The following ADAMTS7 variants were observed in gnomAD, a reference collection of about 807,000 sequenced individuals.
ADAMTS7 encodes A disintegrin and metalloproteinase with thrombospondin motifs 7.
A neutral mutation model predicts 172.6 loss-of-function variants in ADAMTS7; 89 were observed. The observed-to-expected ratio is 0.52, with a 90% CI of 0.43 to 0.61. The LOEUF (loss-of-function observed/expected upper bound fraction) is 0.61, where lower values mean the gene tolerates loss of function less well. ADAMTS7 is among the 20% of genes least tolerant of loss of function. The pLI, the probability that ADAMTS7 is intolerant of heterozygous loss-of-function variation, is 0.00. For synonymous variants in ADAMTS7, 885 were observed against 978.4 expected, an observed-to-expected ratio of 0.90 and a Z score of 1.78; for missense variants, 1,973 against 2,355.6, an observed-to-expected ratio of 0.84 and a Z score of 3.36.
chr15:78,781,908 C>T (rs77728878), intron 8 of ADAMTS7, among the ~76,000 whole-genome samples: 94 of 152,216 alleles, frequency 6.2e-4, no homozygotes, highest in Middle Eastern at 6.8e-3. Flanking sequence ...AAGCACTGCA[C>T]GCGTTTTCTC....
rs192051085 is a variant in ADAMTS7 at position 78,784,219 on chromosome 15, G to T, written c.1322+4012C>A. 3.1e-3 allele frequency among the ~76,000 whole-genome samples: 469 copies of T among 152,026 alleles called. 2 individuals are homozygous for T. The highest frequency in any genetic ancestry group is 0.011 in the African/African-American group (458 of 41,460). ...GAAAAAATTAAAAATTAAAAAATTA[G>T]CTGGGTGTGGTGGCACACACTTGTT... is the stretch of plus-strand genomic sequence containing the variant. On this transcript the variant is annotated intron_variant, in intron 8 of 23. Coordinates refer to ENST00000388820, the MANE Select transcript of ADAMTS7 (RefSeq NM_014272.5).
chr15:78,777,844 C>A (rs2055373741), intron 8 of ADAMTS7, among the ~76,000 whole-genome samples: 2 of 152,236 alleles, frequency 1.3e-5, no homozygotes, highest in South Asian at 4.1e-4. Context: ...GGCCTCCGCA[C>A]ACGCTGCCAG....
Position 78,766,013 on chromosome 15 carries a change from G to A in ADAMTS7, c.3898C>T (p.Leu1300=), listed in dbSNP as rs200067773. ...ASLLPPPIAP[L]PEMKVRDSSL... ...CTGTCCCTGACCTTCATCTCTGGCAGAGGGGCTATGGGAGGAGGAAGGAGA... is the reference window on the plus strand; with the variant it reads ...CTGTCCCTGACCTTCATCTCTGGCAAAGGGGCTATGGGAGGAGGAAGGAGA... Residue 1300 remains leucine, a synonymous_variant, in exon 19 of 24, where the codon CTG becomes TTG. Transcript: ENST00000388820. 13 of 1,599,850 alleles carry A rather than the reference G, an allele frequency of 8.1e-6. No homozygotes were observed. The East Asian group carries it at 1.8e-4, about 22-fold the overall frequency.
At chr15:78,811,008 C>T in intron 1 of ADAMTS7, 113 bp downstream of exon 1, 1 of 1,125,720 alleles carries the variant, frequency 8.9e-7, no homozygotes, top group East Asian at 3.3e-5. Flanking sequence ...CGACCAACTC[C>T]AGGCACAGCG....
At position 78,800,370 on chromosome 15, in the gene ADAMTS7, A is replaced by C. The variant is rs1414592013; in HGVS notation, c.278T>G (p.Phe93Cys). 6.2e-7 allele frequency: 1 copy of C among 1,607,334 alleles called. No individual in the cohort carries two copies. The highest frequency in any genetic ancestry group is 1.8e-4 in the Middle Eastern group (1 of 5,418). Residue 93 changes from phenylalanine (F) to cysteine (C), a missense_variant, in exon 2 of 24, where the codon TTC (phenylalanine) becomes TGC (cysteine). Physicochemically the swap from Phe to Cys is radical, Grantham distance 205. Coordinates refer to ENST00000388820, the MANE Select transcript of ADAMTS7 (RefSeq NM_014272.5). ...ELQYRGRELRFNLTANQHLLA... is the reference protein window; with the variant it reads ...ELQYRGRELRCNLTANQHLLA... ...CAGGTGCTGATTGGCGGTCAGGTTGAAGCGCAGCTCGCGCCCGCGGTATTG... is the reference window on the plus strand; with the variant it reads ...CAGGTGCTGATTGGCGGTCAGGTTGCAGCGCAGCTCGCGCCCGCGGTATTG...
At chr15:78,778,428 G>C (rs1336658631) in intron 8 of ADAMTS7, among the ~76,000 whole-genome samples, 1 of 152,248 alleles carries the variant, frequency 6.6e-6, no homozygotes, top group South Asian at 2.1e-4. Context: ...CCAGTGACCA[G>C]CCTGCTGCCC....
At chr15:78,789,590 T>C in intron 7 of ADAMTS7, 99 bp downstream of exon 7, 11 of 1,484,848 alleles carry the variant, frequency 7.4e-6, no homozygotes, top group Non-Finnish European at 1.0e-5. Flanking sequence ...GAGCTTCCTT[T>C]CCCCTGGACT....
rs1435480597 is a variant in ADAMTS7, at chr15:78,769,719, CCT to C, written c.2518+1441_2518+1442del. Reference sequence around the variant, plus strand: ...GACTTCCTGCCTGAGACAAAGAACCCCTGTCTGTTCCAGCCACCACAGGGCAC... The same window carrying C: ...GACTTCCTGCCTGAGACAAAGAACCCGTCTGTTCCAGCCACCACAGGGCAC... On this transcript the variant is annotated intron_variant, in intron 16 of 23. Coordinates refer to ENST00000388820, the MANE Select transcript of ADAMTS7 (RefSeq NM_014272.5). Among the ~76,000 whole-genome samples the C allele has an allele frequency of 2.6e-5, 4 of 152,364 alleles. No homozygotes were observed. The East Asian group carries it at 5.8e-4, about 22-fold the overall frequency.
rs1344294302 is a variant in ADAMTS7 at position 78,764,078 on chromosome 15, C to A, written c.4441G>T (p.Gly1481Cys). 1 of 1,528,288 alleles carries A rather than the reference C, an allele frequency of 6.5e-7. No individual in the cohort carries two copies. Among genetic ancestry groups the A allele is most frequent in the Non-Finnish European group, 8.8e-7 (1 of 1,134,446 alleles). The allele number at this position is 1,528,288 out of a possible 1,614,324, so 94.7% of individuals were successfully genotyped here. A position where few individuals can be genotyped will look rare whatever the true frequency, so the allele number is the denominator to read the frequency against. The change falls in exon 21 of 24, where the codon GGT (glycine) becomes TGT (cysteine). Residue 1481 changes from glycine to cysteine, a missense_variant. Coordinates refer to ENST00000388820, the MANE Select transcript of ADAMTS7 (RefSeq NM_014272.5). ...WSKCSRSCGG[G>C]SSVRDVQCVD... ...CACTGCACGTCCCGCACTGAGGAAC[C>A]TCCGCCGCAGCTGCGGGAGCACTGG...
In ADAMTS7 at chr15:78,764,635, C is replaced by T. The variant is rs772921044; in HGVS notation, c.4339G>A (p.Ala1447Thr). The T allele has an allele frequency of 4.1e-5, 64 of 1,560,184 alleles. No individual in the cohort carries two copies. In the East Asian group the frequency reaches 9.3e-4, roughly 23 times the overall value. The change falls in exon 20 of 24, where the codon GCC (alanine) becomes ACC (threonine). Residue 1447 changes from alanine to threonine, a missense_variant. By Grantham distance (58) the Ala-to-Thr change is moderately conservative. Transcript: ENST00000388820. ...GCAGGCTGGGGCCGGCCAGCGGGGG[C>T]GCAGTCCTCATCCCGGCCGGAGCTA... Reference protein sequence around the residue: ...RCSSGRDEDCAPAGRPQPARR... With the variant: ...RCSSGRDEDCTPAGRPQPARR...
chr15:78,798,050 G>T lies in ADAMTS7; in HGVS notation c.520C>A (p.Arg174=). ...ACATGGGGCTGGGCGTGGCCAGGCC[G>T]GGCCGGGGCACTGTCCAGGGGCTCA... is the stretch of plus-strand genomic sequence containing the variant. ...FIEPLDSAPA[R]PGHAQPHVVY... Residue 174 remains arginine, a synonymous_variant, in exon 3 of 24, where the codon CGG becomes AGG. Coordinates refer to ENST00000388820, the MANE Select transcript of ADAMTS7 (RefSeq NM_014272.5). The T allele has an allele frequency of 6.4e-7, 1 of 1,570,248 alleles. No homozygotes were observed. Among genetic ancestry groups the T allele is most frequent in the South Asian group, 1.2e-5 (1 of 84,578 alleles).
chr15:78,789,965 G>A (rs2055556971), intron 6 of ADAMTS7, 127 bp from the exon 7 acceptor site: 16 of 1,349,044 alleles, frequency 1.2e-5, no homozygotes, highest in Non-Finnish European at 1.4e-5. Flanking sequence ...ACCGTTCTGT[G>A]ACATGAGGCC....
chr15:78,791,375 C>A, intron 4 of ADAMTS7, 152 bp from the exon 5 acceptor site: 1 of 621,270 alleles, frequency 1.6e-6, no homozygotes, highest in Non-Finnish European at 2.8e-6. Flanking sequence ...GCACAGTGGA[C>A]AGGCGATGCA....
In ADAMTS7 at chr15:78,766,942, G is replaced by A. The variant is rs1440456801; in HGVS notation, c.2969C>T (p.Ser990Phe). The change falls in exon 19 of 24, where the codon TCT becomes TTT. Residue 990 changes from serine (S) to phenylalanine (F), a missense_variant. Ser to Phe is a radical substitution (Grantham distance 155, BLOSUM62 -2). Coordinates refer to ENST00000388820, the MANE Select transcript of ADAMTS7 (RefSeq NM_014272.5). ...AQQPASEVTC[S>F]LPLCRWPLGT... ...CAGGGGCCACCGACAGAGTGGCAGA[G>A]AGCAGGTGACTTCGCTGGCTGGCTG... is the stretch of plus-strand genomic sequence containing the variant. 7 of 1,610,782 alleles carry A rather than the reference G, an allele frequency of 4.3e-6. No homozygotes were observed. The highest frequency in any genetic ancestry group is 5.9e-6 in the Non-Finnish European group (7 of 1,179,572).
chr15:78,784,872 A>T (rs2055480181), intron 8 of ADAMTS7, among the ~76,000 whole-genome samples: 1 of 152,050 alleles, frequency 6.6e-6, no homozygotes, highest in Non-Finnish European at 1.5e-5. Flanking sequence ...ATCAGATGTG[A>T]GGGAAGGATA....
At chr15:78,793,227 T>A (rs2055603965) in intron 4 of ADAMTS7, among the ~76,000 whole-genome samples, 1 of 152,208 alleles carries the variant, frequency 6.6e-6, no homozygotes, top group Admixed American at 6.5e-5. Flanking sequence ...CAGGTTTCGC[T>A]GCTTCAAAGC....
chr15:78,764,416 A>C, intron 20 of ADAMTS7, 139 bp downstream of exon 20: 1 of 1,201,574 alleles, frequency 8.3e-7, no homozygotes, highest in South Asian at 1.6e-5. Context: ...CAAGAGATTC[A>C]GAATCCGGTG....
At chr15:78,794,901 G>A (rs1025276261) in intron 4 of ADAMTS7, among the ~76,000 whole-genome samples, 2 of 152,180 alleles carry the variant, frequency 1.3e-5, no homozygotes, top group African/African-American at 4.8e-5. Context: ...TATTTTGGTA[G>A]AAATAGGGTT....
At chr15:78,790,332 T>C (rs1187816378) in intron 6 of ADAMTS7, among the ~76,000 whole-genome samples, 1 of 151,952 alleles carries the variant, frequency 6.6e-6, no homozygotes, top group Non-Finnish European at 1.5e-5. Context: ...GTGGAACTGA[T>C]GAGATCTGAG....
Sources: gnomAD v4.1 joint callset for allele counts (sites outside exome capture counted in the v4.1 genomes callset) on GRCh38, gnomAD v4.1.1 for gene constraint, MANE v1.5 for transcripts, NCBI Gene and HGNC (gene_info 2026-07-23, HGNC 2026-07-21) for gene names.